The following TTC32 variants were observed in gnomAD, a reference collection of about 807,000 sequenced individuals.
TTC32 encodes tetratricopeptide repeat domain 32.
TTC32 carries 16 observed loss-of-function variants against 15.3 expected under a neutral mutation model. The ratio of observed to expected loss-of-function variants is 1.05; its 90% CI spans 0.71 to 1.59. The LOEUF (loss-of-function observed/expected upper bound fraction) is 1.59. Among genes scored for constraint, TTC32 ranks in the 40% most tolerant of loss-of-function variants. The pLI, the probability that TTC32 is intolerant of heterozygous loss-of-function variation, is 0.00. For synonymous variants in TTC32, 89 were observed against 67.8 expected (o/e 1.31, Z -1.53); for missense variants, 188 against 181.9 (o/e 1.03, Z -0.19).
At chr2:19,901,095 C>T (rs1160737999) in intron 1 of TTC32, 1 of 471,134 alleles carries the variant, frequency 2.1e-6, no homozygotes, top group African/African-American at 2.0e-5. Context: ...GTGATGATGA[C>T]ATGGTGGTTC....
chr2:19,900,958 A>G (rs1669591464), intron 1 of TTC32: 1 of 378,118 alleles, frequency 2.6e-6, no homozygotes, highest in Admixed American at 3.4e-5. Flanking sequence ...AAGGTGGAGA[A>G]GAGACTTAAA....
chr2:19,900,379 T>C (rs768077050), intron 1 of TTC32, among the ~76,000 whole-genome samples: 15 of 152,198 alleles, frequency 9.9e-5, no homozygotes, highest in Non-Finnish European at 1.8e-4. Flanking sequence ...GTTATTGAAA[T>C]GAGAAGGCAA....
At chr2:19,901,639 G>C in intron 1 of TTC32, 67 bp downstream of exon 1, 1 of 1,559,876 alleles carries the variant, frequency 6.4e-7, no homozygotes. Context: ...GCAAAGATAG[G>C]AGCCCAAACA....
Position 19,901,700 on chromosome 2 carries a change from A to G in TTC32, c.149+6T>C. 1 of 1,608,078 alleles carries G rather than the reference A, an allele frequency of 6.2e-7. No homozygotes were observed. The highest frequency in any genetic ancestry group is 8.5e-7 in the Non-Finnish European group (1 of 1,175,526). On this transcript the variant is annotated splice_donor_region_variant and intron_variant, in intron 1 of 2. Coordinates refer to ENST00000333610, the MANE Select transcript of TTC32 (RefSeq NM_001008237.3). The stretch of plus-strand genomic sequence containing the variant: ...TCGCCGCGGCCCCAGGTCTCGCGAT[A>G]GTTACCTCCCGGGACTCTCGTCGCT...
intron 2 of TTC32, among the ~76,000 whole-genome samples, chr2:19,897,586 G>A (rs1202663937): frequency 6.6e-6 from 1 of 152,162 alleles, no homozygotes; most frequent in African/African-American, 2.4e-5. Context: ...GTGAACATCT[G>A]AATTGCCCTC....
Position 19,896,748 on chromosome 2 carries a change from C to T in TTC32, c.*239G>A, listed in dbSNP as rs139203380. 1.0e-3 allele frequency: 175 copies of T among 172,660 alleles called. 3 individuals carry two copies. In the East Asian group the frequency reaches 0.021, roughly 21 times the overall value. The allele number at this position is 172,660 out of a possible 1,614,324, so 10.7% of individuals were successfully genotyped here. On this transcript the variant is annotated 3_prime_UTR_variant, in exon 3 of 3. Transcript: ENST00000333610. ...TAGTTTTGCTGAAGAAAATACCACA[C>T]ATTCCTTTTTACTATAATATTTAAT... is the stretch of plus-strand genomic sequence containing the variant.
chr2:19,900,672 G>A (rs1669585288), intron 1 of TTC32, among the ~76,000 whole-genome samples: 1 of 152,232 alleles, frequency 6.6e-6, no homozygotes, highest in Non-Finnish European at 1.5e-5. Flanking sequence ...CTTTGGGCAA[G>A]CAGACAGTAA....
At chr2:19,897,635 G>A (rs988089954) in intron 2 of TTC32, among the ~76,000 whole-genome samples, 1 of 152,188 alleles carries the variant, frequency 6.6e-6, no homozygotes, top group African/African-American at 2.4e-5. Context: ...AAGTAATGGG[G>A]TCACCCCTGC....
chr2:19,901,625 A>G, intron 1 of TTC32, 81 bp downstream of exon 1: 1 of 1,524,402 alleles, frequency 6.6e-7, no homozygotes, highest in Non-Finnish European at 8.8e-7. Context: ...CGTGAGCTCC[A>G]GAGGCAAAGA....
chr2:19,901,745 C>T lies in TTC32; in HGVS notation c.110G>A (p.Arg37Gln), dbSNP rs1360606425. 6.2e-7 allele frequency: 1 copy of T among 1,613,416 alleles called. No individual in the cohort carries two copies. The highest frequency in any genetic ancestry group is 8.5e-7 in the Non-Finnish European group (1 of 1,179,532). ...GTCGCTGGAGGCCGCGCAAGCGCAC[C>T]GGCGAATGTAAGCGGAGTACAGTGC... Reference protein sequence around the residue: ...AEALYSAYIRRCACAASSDES... With the variant: ...AEALYSAYIRQCACAASSDES... Residue 37 changes from arginine to glutamine, a missense_variant, in exon 1 of 3, where the codon CGG (arginine) becomes CAG (glutamine). Arg to Gln is a conservative substitution (Grantham distance 43). Coordinates refer to ENST00000333610, the MANE Select transcript of TTC32 (RefSeq NM_001008237.3).
chr2:19,901,921 C>G lies in TTC32; in HGVS notation c.-67G>C. 6.3e-7 allele frequency: 1 copy of G among 1,586,954 alleles called. No individual in the cohort carries two copies. The highest frequency in any genetic ancestry group is 1.7e-5 in the Admixed American group (1 of 58,882). On this transcript the variant is annotated 5_prime_UTR_variant, in exon 1 of 3. Transcript: ENST00000333610. ...CTCCGAGCGGTTAGAGGTGGCACCA[C>G]AAAGCCACTTCCACACCCTGGAATC...
At chr2:19,900,928 C>T in intron 1 of TTC32, 1 of 330,254 alleles carries the variant, frequency 3.0e-6, no homozygotes, top group African/African-American at 2.2e-5. Context: ...GAATCGGTTT[C>T]CTCAACAAAT....
Position 19,901,659 on chromosome 2 carries a change from T to C in TTC32, c.149+47A>G, listed in dbSNP as rs367557240. On this transcript the variant is annotated intron_variant, in intron 1 of 2. Coordinates refer to ENST00000333610, the MANE Select transcript of TTC32 (RefSeq NM_001008237.3). ...GATAGGAGCCCAAACAACCCCAACG[T>C]CGCCTCCACCCGGGGTCGCCGCGGC... 172 of 1,586,252 alleles carry C rather than the reference T, an allele frequency of 1.1e-4. No homozygotes were observed. The African/African-American group carries it at 2.1e-3, about 19-fold the overall frequency.
At chr2:19,898,784 C>A (rs1215716103) in intron 1 of TTC32, among the ~76,000 whole-genome samples, 1 of 152,240 alleles carries the variant, frequency 6.6e-6, no homozygotes. Flanking sequence ...AGCCAGGTAG[C>A]TCTGACCAGC....
chr2:19,899,272 ACGGTACCACT>A (rs1188503836), intron 1 of TTC32, among the ~76,000 whole-genome samples: 8 of 152,184 alleles, frequency 5.3e-5, no homozygotes, highest in African/African-American at 1.9e-4. Context: ...AGATTACAAG[ACGGTACCACT>A]CCCCTTCACC....
rs1669518439 is a variant in TTC32, at chr2:19,896,845, CTACCT to C, written c.*137_*141del. 1.6e-6 allele frequency: 1 copy of C among 634,512 alleles called. No homozygotes were observed. Among genetic ancestry groups the C allele is most frequent in the African/African-American group, 1.9e-5 (1 of 51,672 alleles). The allele number at this position is 634,512 out of a possible 1,614,324, so 39.3% of individuals were successfully genotyped here. ...AAAAACCCATTCAACCTGAAATTAA[CTACCT>C]TAAACACACTATTTAACTTTCAGTG... On this transcript the variant is annotated 3_prime_UTR_variant, in exon 3 of 3. Transcript: ENST00000333610.
At chr2:19,899,463 CTTAGAA>C (rs150735583) in intron 1 of TTC32, among the ~76,000 whole-genome samples, 13,535 of 151,950 alleles carry the variant, frequency 0.089, 741 homozygotes, top group East Asian at 0.24. Context: ...AAATGTTAGA[CTTAGAA>C]TTAGATCTCA....
intron 1 of TTC32, chr2:19,901,471 C>A (rs1269064772): frequency 1.5e-5 from 8 of 543,204 alleles, no homozygotes; most frequent in Non-Finnish European, 2.5e-5. Flanking sequence ...GAAATCTCTC[C>A]GCACCGTCGC....
Position 19,897,096 on chromosome 2 carries a change from T to C in TTC32, c.347A>G (p.Lys116Arg), listed in dbSNP as rs1048328140. ...TCCAGGATTTAAGTCTAAGACCTTCTTGAAATCTTCCAAAGCATCATCAAA... is the reference window on the plus strand; with the variant it reads ...TCCAGGATTTAAGTCTAAGACCTTCCTGAAATCTTCCAAAGCATCATCAAA... ...GYFDDALEDF[K>R]KVLDLNPGFQ... Residue 116 changes from lysine to arginine, a missense_variant, in exon 3 of 3, where the codon AAG (lysine) becomes AGG (arginine). Coordinates refer to ENST00000333610, the MANE Select transcript of TTC32 (RefSeq NM_001008237.3). 1 of 1,603,586 alleles carries C rather than the reference T, an allele frequency of 6.2e-7. No homozygotes were observed. The highest frequency in any genetic ancestry group is 8.5e-7 in the Non-Finnish European group (1 of 1,176,382).
Sources: allele counts gnomAD v4.1 joint callset (sites outside exome capture counted in the v4.1 genomes callset), GRCh38; gene constraint gnomAD v4.1.1; transcripts MANE v1.5; gene names NCBI Gene and HGNC (gene_info 2026-07-23, HGNC 2026-07-21).